NAA16: variants seen among roughly 807,000 people sequenced by gnomAD.
NAA16 encodes N-alpha-acetyltransferase 16, NatA auxiliary subunit.
In NAA16, 97 loss-of-function variants were observed where a neutral mutation model predicts 110.3. That is an observed-to-expected ratio of 0.88 (90% CI 0.75 to 1.04). The LOEUF (loss-of-function observed/expected upper bound fraction) is 1.04, where lower values mean the gene tolerates loss of function less well. Among genes scored for constraint, NAA16 ranks in the 50% least tolerant of loss-of-function variants. The pLI is 0.00. For synonymous variants in NAA16, 372 were observed against 330.6 expected, an observed-to-expected ratio of 1.13 and a Z score of -1.36; for missense variants, 1,017 against 1,005.1, an observed-to-expected ratio of 1.01 and a Z score of -0.16.
chr13:41,311,517 C>T lies in NAA16; in HGVS notation c.-12C>T, dbSNP rs1226365634. ...CCTCCCTGCCGGCCACCTAGCCTCC[C>T]TGCCGGCCACGATGCCGAACGTGCT... On this transcript the variant is annotated 5_prime_UTR_variant, in exon 1 of 20. Coordinates refer to ENST00000379406, the MANE Select transcript of NAA16 (RefSeq NM_024561.5). 11 of 1,597,782 alleles carry T rather than the reference C, an allele frequency of 6.9e-6. No homozygotes were observed. The highest frequency in any genetic ancestry group is 9.4e-6 in the Non-Finnish European group (11 of 1,172,880).
intron 9 of NAA16, among the ~76,000 whole-genome samples, chr13:41,350,608 TTTTTTTTTTTTG>T (rs1353478503): frequency 1.4e-4 from 2 of 14,082 alleles, no homozygotes; most frequent in Non-Finnish European, 2.2e-4. Flanking sequence ...TTTTTTTTTG[TTTTTTTTTTTTG>T]TTTGTTTGTT....
chr13:41,315,720 C>T (rs575184221), intron 1 of NAA16, among the ~76,000 whole-genome samples: 1 of 152,230 alleles, frequency 6.6e-6, no homozygotes, highest in African/African-American at 2.4e-5. Flanking sequence ...CTTGCGGTAG[C>T]AAAGGCTTTT....
At chr13:41,362,383 A>G in intron 13 of NAA16, 1 of 451,204 alleles carries the variant, frequency 2.2e-6, no homozygotes, top group African/African-American at 2.0e-5. Flanking sequence ...GTCTGAAGGA[A>G]AAAGATTGTT....
intron 9 of NAA16, among the ~76,000 whole-genome samples, chr13:41,340,889 G>A (rs1322751358): frequency 6.6e-6 from 1 of 151,500 alleles, no homozygotes; most frequent in East Asian, 1.9e-4. Context: ...CCGTGGTCTC[G>A]ATCTCCTGAC....
At chr13:41,341,623 G>A (rs1037263211) in intron 9 of NAA16, among the ~76,000 whole-genome samples, 2 of 152,140 alleles carry the variant, frequency 1.3e-5, no homozygotes, top group South Asian at 4.1e-4. Flanking sequence ...AGGCTGAGGT[G>A]GGAGGATCTC....
In NAA16 at chr13:41,374,665, A is replaced by T. The variant is rs544584104; in HGVS notation, c.2300-77A>T. The T allele has an allele frequency of 3.1e-5, 30 of 957,742 alleles. 1 individual carries two copies. In the South Asian group the frequency reaches 4.2e-4, roughly 13 times the overall value. The allele number at this position is 957,742 out of a possible 1,614,324, so 59.3% of individuals were successfully genotyped here. A position where few individuals can be genotyped will look rare whatever the true frequency, so the allele number is the denominator to read the frequency against. On this transcript the variant is annotated intron_variant, in intron 18 of 19. Transcript: ENST00000379406. ...GATTAAACACTTAAAACCATATTTG[A>T]AGTCACTGGCCAGTTGATATCACAT...
intron 12 of NAA16, 91 bp downstream of exon 12, chr13:41,359,053 G>C (rs2043056201): frequency 9.0e-7 from 1 of 1,108,178 alleles, no homozygotes; most frequent in Non-Finnish European, 1.2e-6. Context: ...AAGAACTTCA[G>C]TGGAAGTTCA....
At chr13:41,362,189 T>G in intron 13 of NAA16, 30 bp downstream of exon 13, 1 of 1,585,248 alleles carries the variant, frequency 6.3e-7, no homozygotes, top group Non-Finnish European at 8.6e-7. Context: ...ACTTCAGTTT[T>G]CACTGTAAGG....
chr13:41,331,489 G>A (rs1454591021), intron 8 of NAA16, 120 bp downstream of exon 8: 5 of 625,380 alleles, frequency 8.0e-6, no homozygotes, highest in African/African-American at 7.4e-5. Flanking sequence ...GGAGTTGGGA[G>A]TGAACAGTTA....
chr13:41,350,826 T>C (rs1247916074), intron 9 of NAA16, among the ~76,000 whole-genome samples: 2 of 151,936 alleles, frequency 1.3e-5, no homozygotes, highest in Non-Finnish European at 2.9e-5. Context: ...GGTTTTACCA[T>C]GTTGCCCAGG....
chr13:41,372,639 A>AT, intron 16 of NAA16, 93 bp from the exon 17 acceptor site: 1 of 1,347,414 alleles, frequency 7.4e-7, no homozygotes. Flanking sequence ...AAAAGGTAGC[A>AT]TTTTGTTGTT....
Position 41,373,832 on chromosome 13 carries a change from A to G in NAA16, c.2299+52A>G, listed in dbSNP as rs760852601. ...ATACTTATGGAAAAAGCGAACAAAG[A>G]GAAAGCTTTGACACCCCCAAAATGT... On this transcript the variant is annotated intron_variant, in intron 18 of 19. Coordinates refer to ENST00000379406, the MANE Select transcript of NAA16 (RefSeq NM_024561.5). 4 of 1,535,840 alleles carry G rather than the reference A, an allele frequency of 2.6e-6. No individual in the cohort carries two copies. The Admixed American group carries it at 8.6e-5, about 33-fold the overall frequency.
chr13:41,344,045 C>G (rs1303805189), intron 9 of NAA16, among the ~76,000 whole-genome samples: 1 of 152,154 alleles, frequency 6.6e-6, no homozygotes, highest in African/African-American at 2.4e-5. Context: ...TATTACATAA[C>G]CTTTTAGAAC....
At chr13:41,334,317 A>C (rs556227510) in intron 8 of NAA16, among the ~76,000 whole-genome samples, 1 of 152,182 alleles carries the variant, frequency 6.6e-6, no homozygotes, top group Non-Finnish European at 1.5e-5. Flanking sequence ...AAAAATAATG[A>C]AGGGATAAAG....
chr13:41,371,748 T>C (rs918165136), intron 15 of NAA16, among the ~76,000 whole-genome samples: 1 of 152,202 alleles, frequency 6.6e-6, no homozygotes, highest in Non-Finnish European at 1.5e-5. Context: ...AAGTTACACA[T>C]AGATTTTCAA....
rs765557946 is a variant in NAA16 at position 41,355,209 on chromosome 13, C to A, written c.1080C>A (p.Ser360Arg). 6.4e-7 allele frequency: 1 copy of A among 1,571,314 alleles called. No individual in the cohort carries two copies. Among genetic ancestry groups the A allele is most frequent in the Non-Finnish European group, 8.7e-7 (1 of 1,152,980 alleles). ...EASLKTCDFF[S>R]PYENGEKEPP... The stretch of plus-strand genomic sequence containing the variant: ...CTCTTAAAACGTGTGACTTTTTTAG[C>A]CCATATGGTAAGTTTAAATTAGATT... The change falls in exon 10 of 20, where the codon AGC (serine) becomes AGA (arginine). Residue 360 changes from serine to arginine, a missense_variant. By Grantham distance (110) the Ser-to-Arg change is moderately radical (BLOSUM62 -1). Coordinates refer to ENST00000379406, the MANE Select transcript of NAA16 (RefSeq NM_024561.5).
chr13:41,323,748 G>T (rs1045895345), intron 5 of NAA16, among the ~76,000 whole-genome samples: 1 of 151,626 alleles, frequency 6.6e-6, no homozygotes, highest in African/African-American at 2.4e-5. Context: ...TCTTCCTAAA[G>T]TGCTGGGATT....
chr13:41,323,067 C>T lies in NAA16; in HGVS notation c.414C>T (p.Tyr138=), dbSNP rs2139385957. The T allele has an allele frequency of 3.1e-6, 5 of 1,613,416 alleles. No individual in the cohort carries two copies. The highest frequency in any genetic ancestry group is 4.2e-6 in the Non-Finnish European group (5 of 1,179,778). Residue 138 remains tyrosine (Y), a synonymous_variant, in exon 5 of 20, where the codon TAC becomes TAT. Coordinates refer to ENST00000379406, the MANE Select transcript of NAA16 (RefSeq NM_024561.5). ...AACTTTTTTTTTAGGAGACAAGATACCAGCTTCTTCAGTTGCGCCCCACAC... is the reference window on the plus strand; with the variant it reads ...AACTTTTTTTTTAGGAGACAAGATATCAGCTTCTTCAGTTGCGCCCCACAC... ...RDLEGYRETR[Y]QLLQLRPTQR...
At chr13:41,324,527 C>A (rs1316930795) in intron 5 of NAA16, among the ~76,000 whole-genome samples, 1 of 151,690 alleles carries the variant, frequency 6.6e-6, no homozygotes, top group African/African-American at 2.4e-5. Flanking sequence ...AGGCCCCCAC[C>A]ACTGGGTCTG....
Sources: allele counts gnomAD v4.1 joint callset (sites outside exome capture counted in the v4.1 genomes callset), GRCh38; gene constraint gnomAD v4.1.1; transcripts MANE v1.5; gene names NCBI Gene and HGNC (gene_info 2026-07-23, HGNC 2026-07-21).